The following SLC30A5 variants were observed in gnomAD, a reference collection of about 807,000 sequenced individuals.
The protein encoded by SLC30A5 is solute carrier family 30 member 5, also known as proton-coupled zinc antiporter SLC30A5.
A neutral mutation model predicts 79.6 loss-of-function variants in SLC30A5; 33 were observed. That is an observed-to-expected ratio of 0.41 (90% CI 0.31 to 0.55). The LOEUF (loss-of-function observed/expected upper bound fraction) is 0.55. Ranked by LOEUF, SLC30A5 falls within the 20% of genes least tolerant of loss-of-function variation. The probability of loss-of-function intolerance (pLI) is 0.20; values close to 1 mark genes in which losing one functional copy is unlikely to be tolerated. For synonymous variants in SLC30A5, 299 were observed against 319.7 expected, an observed-to-expected ratio of 0.94 and a Z score of 0.69; for missense variants, 788 against 928.1, an observed-to-expected ratio of 0.85 and a Z score of 1.96.
chr5:69,097,636 T>A (rs983532671), intron 1 of SLC30A5, among the ~76,000 whole-genome samples: 2 of 152,146 alleles, frequency 1.3e-5, no homozygotes, highest in East Asian at 3.8e-4. Flanking sequence ...CCCAGTTCAT[T>A]CTTTAATTTT....
intron 1 of SLC30A5, 133 bp downstream of exon 1, chr5:69,094,471 T>G: frequency 2.0e-6 from 2 of 975,754 alleles, no homozygotes; most frequent in Non-Finnish European, 1.3e-6. Context: ...CCTGCCTCCC[T>G]GCGCGCAGGC....
Position 69,123,429 on chromosome 5 carries a change from CTGTA to C in SLC30A5, c.1998+9_1998+12del, listed in dbSNP as rs1187956576. 3.1e-6 allele frequency: 5 copies of C among 1,603,710 alleles called. No homozygotes were observed. In the African/African-American group the frequency reaches 6.7e-5, roughly 21 times the overall value. The stretch of plus-strand genomic sequence containing the variant: ...ACTACATATTGCTTTAGAAAAGGTA[CTGTA>C]TGTAATTTCTTCACTACTTTCTTCC... On this transcript the variant is annotated splice_donor_5th_base_variant and intron_variant, in intron 14 of 15. Coordinates refer to ENST00000396591, the MANE Select transcript of SLC30A5 (RefSeq NM_022902.5).
chr5:69,129,582 A>G lies in SLC30A5; in HGVS notation c.2263A>G (p.Met755Val), dbSNP rs768934735. The stretch of plus-strand genomic sequence containing the variant: ...GGCTATGACAAAACAAATGGAATCC[A>G]TGAAATACTGCAAAGATGGTACTTA... ...VLAMTKQMES[M>V]KYCKDGTYIM Residue 755 changes from methionine to valine, a missense_variant, in exon 16 of 16, where the codon ATG becomes GTG. Physicochemically the swap from Met to Val is conservative, Grantham distance 21. This residue lies in a region of SLC30A5 where 158 missense variants were observed against 156.2 expected (regional missense o/e 1.01). Coordinates refer to ENST00000396591, the MANE Select transcript of SLC30A5 (RefSeq NM_022902.5). The G allele has an allele frequency of 3.1e-6, 5 of 1,613,336 alleles. No individual in the cohort carries two copies. The highest frequency in any genetic ancestry group is 4.2e-6 in the Non-Finnish European group (5 of 1,179,702).
intron 4 of SLC30A5, among the ~76,000 whole-genome samples, chr5:69,106,936 C>T (rs1746096309): frequency 6.6e-6 from 1 of 151,510 alleles, no homozygotes; most frequent in African/African-American, 2.4e-5. Flanking sequence ...ACAGTCTTGG[C>T]TCACTGCAAC....
chr5:69,101,430 C>T (rs1745916109), intron 2 of SLC30A5, among the ~76,000 whole-genome samples: 1 of 151,846 alleles, frequency 6.6e-6, no homozygotes, highest in Non-Finnish European at 1.5e-5. Context: ...AGGCGCTCAC[C>T]ACCATGCCCA....
intron 4 of SLC30A5, among the ~76,000 whole-genome samples, chr5:69,106,998 G>A (rs1447671794): frequency 6.6e-6 from 1 of 151,754 alleles, no homozygotes; most frequent in Admixed American, 6.6e-5. Flanking sequence ...ACCAGTAGCT[G>A]GGACTACAGG....
In SLC30A5 at chr5:69,116,290, T is replaced by C; in HGVS notation, c.1072+76T>C. On this transcript the variant is annotated intron_variant, in intron 9 of 15. Coordinates refer to ENST00000396591, the MANE Select transcript of SLC30A5 (RefSeq NM_022902.5). The surrounding 1 kb of genome is among the most constrained non-coding windows in gnomAD (Gnocchi z 4.0). ...TTGATGGTCACATCATTTACTTATT[T>C]TGGGAAATTCTTCAGTGCTTGCATT... 2 of 1,510,602 alleles carry C rather than the reference T, an allele frequency of 1.3e-6. No homozygotes were observed. Among genetic ancestry groups the C allele is most frequent in the East Asian group, 2.3e-5 (1 of 43,894 alleles). The allele number at this position is 1,510,602 out of a possible 1,614,324, so 93.6% of individuals were successfully genotyped here.
chr5:69,113,282 C>T (rs998506486), intron 6 of SLC30A5, 55 bp downstream of exon 6: 3 of 1,327,606 alleles, frequency 2.3e-6, no homozygotes, highest in Admixed American at 4.1e-5. Context: ...AACTAGAAGC[C>T]TGGAACAATG....
chr5:69,109,954 C>T (rs536469043), intron 5 of SLC30A5, among the ~76,000 whole-genome samples: 5 of 152,276 alleles, frequency 3.3e-5, no homozygotes, highest in Admixed American at 2.6e-4. Context: ...CAAGCTGGCA[C>T]TGCGGGCATT....
intron 14 of SLC30A5, 110 bp downstream of exon 14, chr5:69,123,535 A>G: frequency 1.3e-6 from 1 of 775,416 alleles, no homozygotes; most frequent in South Asian, 1.6e-5. Context: ...AACGAGGCCA[A>G]AAAAGAAATA....
chr5:69,104,766 A>T, intron 4 of SLC30A5, 50 bp downstream of exon 4: 1 of 1,552,566 alleles, frequency 6.4e-7, no homozygotes, highest in East Asian at 2.3e-5. Flanking sequence ...CTTCATTTTG[A>T]ATATTATTTT....
chr5:69,116,733 A>G lies in SLC30A5; in HGVS notation c.1281+131A>G. ...GCTAAAATTTAAATTTTTTCTAAGT[A>G]TAATAGCAAGATTACGAGATCATAT... On this transcript the variant is annotated intron_variant, in intron 10 of 15. Transcript: ENST00000396591. The surrounding 1 kb of genome is among the most constrained non-coding windows in gnomAD (Gnocchi z 4.0). The G allele has an allele frequency of 1.7e-6, 1 of 592,678 alleles. No individual in the cohort carries two copies. 36.7% of individuals were successfully genotyped at this position (592,678 alleles called of 1,614,324 possible).
In SLC30A5 at chr5:69,118,489, A is replaced by G. The variant is rs765276184; in HGVS notation, c.1440-10A>G. The stretch of plus-strand genomic sequence containing the variant: ...CTTTTCCTTTTCTGAAAAATGTTCT[A>G]TGTTTTTAGGTACGGCCGAATAGAA... On this transcript the variant is annotated splice_polypyrimidine_tract_variant and intron_variant, in intron 11 of 15. Transcript: ENST00000396591. 1.9e-6 allele frequency: 3 copies of G among 1,589,962 alleles called. No homozygotes were observed. In the South Asian group the frequency reaches 3.5e-5, roughly 18 times the overall value.
Position 69,108,351 on chromosome 5 carries a change from C to T in SLC30A5, c.362C>T (p.Thr121Ile). The change falls in exon 5 of 16, where the codon ACT (threonine) becomes ATT (isoleucine). Residue 121 changes from threonine (T) to isoleucine (I), a missense_variant and splice_region_variant. By Grantham distance (89) the Thr-to-Ile change is moderately conservative. Coordinates refer to ENST00000396591, the MANE Select transcript of SLC30A5 (RefSeq NM_022902.5). ...FGLTLCGPLR[T>I]LLLFEHSDIV... ...ATGATAATGTTTTATTTTTGTAGGA[C>T]TTTGCTGCTATTTGAGCACAGTGAT... The T allele has an allele frequency of 1.2e-6, 2 of 1,610,484 alleles. No homozygotes were observed. Among genetic ancestry groups the T allele is most frequent in the Non-Finnish European group, 1.7e-6 (2 of 1,177,132 alleles).
At chr5:69,118,953 A>G (rs1317755797) in intron 12 of SLC30A5, among the ~76,000 whole-genome samples, 1 of 151,958 alleles carries the variant, frequency 6.6e-6, no homozygotes, top group African/African-American at 2.4e-5. Context: ...GGCATGTGCC[A>G]CCACCCCCTG....
chr5:69,113,995 G>A (rs1746299534), intron 6 of SLC30A5, among the ~76,000 whole-genome samples: 2 of 152,184 alleles, frequency 1.3e-5, no homozygotes, highest in African/African-American at 4.8e-5. Context: ...TGACTTAGAA[G>A]ACAGATTTAG....
intron 14 of SLC30A5, among the ~76,000 whole-genome samples, chr5:69,125,529 T>TC (rs1356673723): frequency 1.5e-5 from 2 of 135,934 alleles, no homozygotes; most frequent in African/African-American, 5.6e-5. Flanking sequence ...ACTCTGTCCT[T>TC]CCCCACACAC....
rs1746805073 is a variant in SLC30A5, at chr5:69,129,855, T to C, written c.*238T>C. ...GGAATCAAATTTTGAGTAAACATGA[T>C]GTATTACATCATCTTCAAAAATAGA... On this transcript the variant is annotated 3_prime_UTR_variant, in exon 16 of 16. Transcript: ENST00000396591. 3.1e-6 allele frequency: 1 copy of C among 324,422 alleles called. No individual in the cohort carries two copies. The highest frequency in any genetic ancestry group is 2.1e-5 in the African/African-American group (1 of 47,052). 20.1% of individuals were successfully genotyped at this position (324,422 alleles called of 1,614,324 possible). A position where few individuals can be genotyped will look rare whatever the true frequency, so the allele number is the denominator to read the frequency against.
chr5:69,100,959 A>AT, intron 2 of SLC30A5, 30 bp downstream of exon 2: 1 of 1,529,342 alleles, frequency 6.5e-7, no homozygotes, highest in South Asian at 1.3e-5. Flanking sequence ...TTTTCTTGAT[A>AT]TTTTTTATTT....
Sources: allele counts gnomAD v4.1 joint callset (sites outside exome capture counted in the v4.1 genomes callset), GRCh38; gene constraint gnomAD v4.1.1; regional missense constraint gnomAD v4.1.1; non-coding constraint Gnocchi (gnomAD v3.1); transcripts MANE v1.5; gene names NCBI Gene and HGNC (gene_info 2026-07-23, HGNC 2026-07-21).